The following NCALD variants were observed in gnomAD, a reference collection of about 807,000 sequenced individuals.
The protein encoded by NCALD is neurocalcin-delta.
In NCALD, 10 loss-of-function variants were observed where a neutral mutation model predicts 18.6. The observed-to-expected ratio is 0.54, with a 90% CI of 0.33 to 0.91. NCALD has a LOEUF of 0.91. NCALD is among the 40% of genes least tolerant of loss of function. The pLI, the probability that NCALD is intolerant of heterozygous loss-of-function variation, is 0.03. For synonymous variants in NCALD, 88 were observed against 87.4 expected (o/e 1.01, Z -0.04); for missense variants, 184 against 247.6 (o/e 0.74, Z 1.72).
rs750611357 is a variant in NCALD, at chr8:101,786,467, G to C, written c.-20+4395C>G. Among the ~76,000 whole-genome samples, 148 of 152,110 alleles carry C rather than the reference G, an allele frequency of 9.7e-4. 1 individual carries two copies. The highest frequency in any genetic ancestry group is 1.9e-3 in the Non-Finnish European group (130 of 68,012). ...GAAGGTATAGGACGGGGAAACTTTT[G>C]TGAGATGCTATTTTTGATCTCCAAC... On this transcript the variant is annotated intron_variant, in intron 1 of 3. Transcript: ENST00000220931.
intron 2 of NCALD, among the ~76,000 whole-genome samples, chr8:101,919,841 C>T (rs1335833691): frequency 6.6e-6 from 1 of 152,176 alleles, no homozygotes; most frequent in African/African-American, 2.4e-5. Flanking sequence ...GATACCATCT[C>T]ACACCAGTTA....
intron 3 of NCALD, chr8:101,691,722 A>G (rs2211920): frequency 0.37 from 368,255 of 985,104 alleles, 70,787 homozygotes; most frequent in South Asian, 0.55. Flanking sequence ...AGACAGGCCC[A>G]TACCACACAA....
chr8:101,936,451 A>C (rs948116709), intron 2 of NCALD, among the ~76,000 whole-genome samples: 17 of 152,292 alleles, frequency 1.1e-4, no homozygotes, highest in African/African-American at 4.1e-4. Flanking sequence ...AAGTCAATGG[A>C]TCAGAGGTCC....
intron 1 of NCALD, among the ~76,000 whole-genome samples, chr8:102,063,201 G>A (rs1367173276): frequency 5.3e-5 from 8 of 152,148 alleles, no homozygotes; most frequent in Non-Finnish European, 1.0e-4. Context: ...TTTGAATACG[G>A]TGCCGACTGC....
chr8:101,702,154 A>C (rs1182640243), intron 2 of NCALD, among the ~76,000 whole-genome samples: 1 of 152,196 alleles, frequency 6.6e-6, no homozygotes, highest in African/African-American at 2.4e-5. Flanking sequence ...AAGCAAAACA[A>C]AACCATTTTT....
rs1586729258 is a variant in NCALD at position 101,903,234 on chromosome 8, A to G, written c.-107+12575T>C. 2.8e-5 allele frequency among the ~76,000 whole-genome samples: 4 copies of G among 143,994 alleles called. No homozygotes were observed. In the South Asian group the frequency reaches 8.7e-4, roughly 31 times the overall value. 94.5% of individuals were successfully genotyped at this position (143,994 alleles called of 152,430 possible). A position where few individuals can be genotyped will look rare whatever the true frequency, so the allele number is the denominator to read the frequency against. Reference sequence around the variant, plus strand: ...TTTTTTTGAGATGGAGTCTCACTCTATCACCAGGCTGGAGTGCAGTGGCGT... The same window carrying G: ...TTTTTTTGAGATGGAGTCTCACTCTGTCACCAGGCTGGAGTGCAGTGGCGT... On this transcript the variant is annotated intron_variant, in intron 3 of 6. Transcript: ENST00000311028.
chr8:101,968,940 C>G (rs564735729), intron 2 of NCALD, among the ~76,000 whole-genome samples: 44 of 152,318 alleles, frequency 2.9e-4, no homozygotes, highest in Non-Finnish European at 5.4e-4. Flanking sequence ...ATCCAAGCAT[C>G]TCTGAGGACC....
rs1488695450 is a variant in NCALD at position 102,072,597 on chromosome 8, G to C, written c.-210+51640C>G. Among the ~76,000 whole-genome samples, 3 of 152,002 alleles carry C rather than the reference G, an allele frequency of 2.0e-5. No individual in the cohort carries two copies. The East Asian group carries it at 5.8e-4, about 29-fold the overall frequency. ...AAGCCAGAGAGAGAGCAGACAGATG[G>C]AAGAAAGCAAAATAATAATAATAAT... On this transcript the variant is annotated intron_variant, in intron 1 of 6. Coordinates refer to the NCALD transcript ENST00000311028.
At position 101,796,957 on chromosome 8, in the gene NCALD, C is replaced by T. The variant is rs555390844; in HGVS notation, c.-19-77309G>A. On this transcript the variant is annotated intron_variant, in intron 4 of 6. Transcript: ENST00000311028. ...TCCTTCGGAAAGGCTTATCAAAAAC[C>T]CAAAAGAATGCAACCATTTGTCTCT... Among the ~76,000 whole-genome samples the T allele has an allele frequency of 2.0e-5, 3 of 152,286 alleles. No homozygotes were observed. The East Asian group carries it at 5.8e-4, about 29-fold the overall frequency.
At chr8:101,804,337 AATTATATAT>A (rs1290254430) in intron 4 of NCALD, among the ~76,000 whole-genome samples, 7 of 35,342 alleles carry the variant, frequency 2.0e-4, no homozygotes, top group Admixed American at 1.8e-3. Flanking sequence ...TAATTATATC[AATTATATAT>A]TATATATAAT....
chr8:102,026,949 C>CTCTGAAA (rs1363030672), intron 1 of NCALD, among the ~76,000 whole-genome samples: 9 of 152,226 alleles, frequency 5.9e-5, no homozygotes, highest in Non-Finnish European at 1.2e-4. Context: ...GGCTTCCACC[C>CTCTGAAA]TCTGAAACAA....
chr8:101,858,766 G>A (rs539558030), intron 4 of NCALD, among the ~76,000 whole-genome samples: 1 of 152,242 alleles, frequency 6.6e-6, no homozygotes, highest in Admixed American at 6.5e-5. Context: ...GAATCCCAAG[G>A]AGCTCCATTC....
At chr8:101,768,306 G>T (rs1243568197) in intron 1 of NCALD, among the ~76,000 whole-genome samples, 1 of 152,230 alleles carries the variant, frequency 6.6e-6, no homozygotes, top group African/African-American at 2.4e-5. Context: ...CTCACAGGAA[G>T]TCTGGCTGCA....
At chr8:101,949,500 GTGGGTCAAAC>G (rs912563000) in intron 2 of NCALD, among the ~76,000 whole-genome samples, 4 of 152,062 alleles carry the variant, frequency 2.6e-5, no homozygotes, top group African/African-American at 9.7e-5. Context: ...TAGAGAGGCT[GTGGGTCAAAC>G]GACATCAGGA....
chr8:101,691,754 T>C, intron 3 of NCALD: 3 of 985,366 alleles, frequency 3.0e-6, no homozygotes, highest in Non-Finnish European at 3.6e-6. Flanking sequence ...TAGGCAGCTG[T>C]ACCTGGGCGG....
At chr8:101,907,305 C>G (rs1817642387) in intron 3 of NCALD, among the ~76,000 whole-genome samples, 1 of 152,128 alleles carries the variant, frequency 6.6e-6, no homozygotes, top group Non-Finnish European at 1.5e-5. Context: ...TAAATCTTTC[C>G]TCTTGGCTAC....
chr8:101,745,287 T>C (rs1326865018), intron 1 of NCALD, among the ~76,000 whole-genome samples: 1 of 152,174 alleles, frequency 6.6e-6, no homozygotes, highest in Non-Finnish European at 1.5e-5. Context: ...ACGGGTGATG[T>C]TCAGTGCCCA....
At chr8:102,039,960 C>T (rs1822991587) in intron 1 of NCALD, among the ~76,000 whole-genome samples, 1 of 152,112 alleles carries the variant, frequency 6.6e-6, no homozygotes, top group Admixed American at 6.5e-5. Flanking sequence ...CACCAGATGC[C>T]CAATCTTGAA....
At chr8:101,984,514 T>G (rs1244091462) in intron 2 of NCALD, among the ~76,000 whole-genome samples, 1 of 152,198 alleles carries the variant, frequency 6.6e-6, no homozygotes, top group Non-Finnish European at 1.5e-5. Flanking sequence ...GTTTAATTAT[T>G]TCTAAATGAC....
Sources: allele counts gnomAD v4.1 joint callset (sites outside exome capture counted in the v4.1 genomes callset), GRCh38; gene constraint gnomAD v4.1.1; transcripts MANE v1.5; gene names NCBI Gene and HGNC (gene_info 2026-07-23, HGNC 2026-07-21).